The following SP100 variants were observed in gnomAD, a reference collection of about 807,000 sequenced individuals.
SP100 encodes nuclear autoantigen Sp-100.
A neutral mutation model predicts 130.0 loss-of-function variants in SP100; 84 were observed. The observed-to-expected ratio is 0.65, with a 90% CI of 0.54 to 0.77. SP100 has a LOEUF of 0.77. Among genes scored for constraint, SP100 ranks in the 30% least tolerant of loss-of-function variants. SP100 has a pLI of 0.00. For missense variants in SP100, 978 were observed against 1,052.2 expected (o/e 0.93, Z 0.97); for synonymous variants, 331 against 351.7 (o/e 0.94, Z 0.66).
chr2:230,421,099 A>T (rs2062754404), intron 2 of SP100, among the ~76,000 whole-genome samples: 1 of 152,040 alleles, frequency 6.6e-6, no homozygotes, highest in South Asian at 2.1e-4. Context: ...CTATATTATG[A>T]TTACATTTCC....
intron 24 of SP100, among the ~76,000 whole-genome samples, chr2:230,527,961 C>A (rs747996461): frequency 1.3e-5 from 2 of 152,188 alleles, no homozygotes; most frequent in Non-Finnish European, 2.9e-5. Context: ...GAGACTGAGA[C>A]TCCCACACAA....
chr2:230,515,714 G>GA (rs1303250935), intron 24 of SP100: 2 of 1,527,404 alleles, frequency 1.3e-6, no homozygotes, highest in Non-Finnish European at 8.7e-7. Context: ...TCCTTTTAAA[G>GA]AAAAAAACTT....
In SP100 at chr2:230,541,341, A is replaced by G; in HGVS notation, c.2372A>G (p.Lys791Arg). ...FLLLKVYCDS[K>R]SCFFASEPYY... is the part of the protein sequence containing the mutation. ...CTCTTGAAGGTCTACTGTGATTCGA[A>G]AAGCTGCTTTTTCGCCTCAGAACCG... is the stretch of plus-strand genomic sequence containing the variant. Residue 791 changes from lysine to arginine, a missense_variant, in exon 27 of 29, where the codon AAA becomes AGA. Physicochemically the swap from Lys to Arg is conservative, Grantham distance 26. Coordinates refer to ENST00000340126, the MANE Select transcript of SP100 (RefSeq NM_001080391.2). 6.2e-7 allele frequency: 1 copy of G among 1,614,120 alleles called. No homozygotes were observed. The highest frequency in any genetic ancestry group is 8.5e-7 in the Non-Finnish European group (1 of 1,179,966).
chr2:230,523,377 A>G (rs1691265614), intron 24 of SP100, among the ~76,000 whole-genome samples: 2 of 152,246 alleles, frequency 1.3e-5, no homozygotes, highest in Non-Finnish European at 2.9e-5. Context: ...TTATTTTAAA[A>G]AAGTGCTGGC....
chr2:230,527,972 T>C (rs1691509522), intron 24 of SP100, among the ~76,000 whole-genome samples: 1 of 152,016 alleles, frequency 6.6e-6, no homozygotes. Context: ...TCCCACACAA[T>C]AAAAATGGGA....
Position 230,449,593 on chromosome 2 carries a change from C to A in SP100, c.619C>A (p.His207Asn). 6.2e-7 allele frequency: 1 copy of A among 1,614,092 alleles called. No homozygotes were observed. The highest frequency in any genetic ancestry group is 8.5e-7 in the Non-Finnish European group (1 of 1,179,964). The change falls in exon 7 of 29, where the codon CAC becomes AAC. Residue 207 changes from histidine to asparagine, a missense_variant. By Grantham distance (68) the His-to-Asn change is moderately conservative. Coordinates refer to ENST00000340126, the MANE Select transcript of SP100 (RefSeq NM_001080391.2). The stretch of plus-strand genomic sequence containing the variant: ...CCCACCTGAAAATGGACTCTCAGAG[C>A]ACCCCTGTGAAACAGAACAGATAAA... The part of the protein sequence containing the change: ...TTPPENGLSE[H>N]PCETEQINAK...
At chr2:230,494,268 AC>A in intron 17 of SP100, 147 bp from the exon 18 acceptor site, 1 of 672,104 alleles carries the variant, frequency 1.5e-6, no homozygotes, top group Non-Finnish European at 2.6e-6. Flanking sequence ...CGTGACAACA[AC>A]CAAGATGGGA....
At chr2:230,474,085 A>T (rs1198662410) in intron 16 of SP100, among the ~76,000 whole-genome samples, 1 of 152,178 alleles carries the variant, frequency 6.6e-6, no homozygotes, top group African/African-American at 2.4e-5. Context: ...TTTCCTATTA[A>T]CTCTTGCAAG....
At chr2:230,531,998 T>C (rs1388956004) in intron 24 of SP100, among the ~76,000 whole-genome samples, 1 of 152,176 alleles carries the variant, frequency 6.6e-6, no homozygotes, top group Non-Finnish European at 1.5e-5. Flanking sequence ...TGAATTTATG[T>C]TTTTTAGTTT....
At chr2:230,514,915 C>T (rs1167651629) in intron 24 of SP100, 2 of 1,013,764 alleles carry the variant, frequency 2.0e-6, no homozygotes, top group African/African-American at 3.3e-5. Context: ...GTCAAAAAAC[C>T]TACAAGAGAT....
rs566628016 is a variant in SP100, at chr2:230,508,269, C to T, written c.2052+238C>T. On this transcript the variant is annotated intron_variant, in intron 23 of 28. Transcript: ENST00000340126. ...CTCAGAAATAGATTAAAAGACAGAA[C>T]TGAATTGTATGTGTTTTTTAGTAAA... 47 of 421,534 alleles carry T rather than the reference C, an allele frequency of 1.1e-4. No homozygotes were observed. The Admixed American group carries it at 1.7e-3, about 15-fold the overall frequency. 26.1% of individuals were successfully genotyped at this position (421,534 alleles called of 1,614,324 possible).
chr2:230,519,210 G>A (rs776523832), intron 24 of SP100, among the ~76,000 whole-genome samples: 8 of 152,280 alleles, frequency 5.3e-5, no homozygotes, highest in Non-Finnish European at 8.8e-5. Context: ...GGCATTTAAA[G>A]GGTATTGTCT....
intron 17 of SP100, among the ~76,000 whole-genome samples, chr2:230,488,589 A>G (rs2066238121): frequency 6.6e-6 from 1 of 151,938 alleles, no homozygotes; most frequent in South Asian, 2.1e-4. Context: ...AATTTTTAGC[A>G]TTTTTAGTAG....
intron 18 of SP100, among the ~76,000 whole-genome samples, chr2:230,494,775 A>T (rs1362957775): frequency 6.6e-6 from 1 of 152,202 alleles, no homozygotes; most frequent in Non-Finnish European, 1.5e-5. Flanking sequence ...AAAAATTGAC[A>T]AAAGAACCAG....
At chr2:230,509,630 C>A (rs1690422704) in intron 23 of SP100, 1 of 152,132 alleles carries the variant, frequency 6.6e-6, no homozygotes, top group African/African-American at 2.4e-5. Context: ...CAGAGGATCT[C>A]CCCGGAGGGT....
chr2:230,501,245 G>A (rs552710998), intron 19 of SP100, among the ~76,000 whole-genome samples: 36 of 151,916 alleles, frequency 2.4e-4, no homozygotes, highest in Middle Eastern at 3.4e-3. Flanking sequence ...GGCAAGACTC[G>A]GTCTCAAAAA....
At chr2:230,491,734 C>G (rs1212038951) in intron 17 of SP100, among the ~76,000 whole-genome samples, 1 of 152,230 alleles carries the variant, frequency 6.6e-6, no homozygotes, top group Non-Finnish European at 1.5e-5. Context: ...GGCCCCTCCC[C>G]CAACACACAA....
At chr2:230,476,310 G>A (rs13415958) in intron 17 of SP100, among the ~76,000 whole-genome samples, 3,776 of 152,190 alleles carry the variant, frequency 0.025, 162 homozygotes, top group African/African-American at 0.086. Context: ...TTGTAAATGG[G>A]ACTGTGTTCT....
chr2:230,431,463 C>T (rs549182249), intron 2 of SP100, among the ~76,000 whole-genome samples: 2 of 152,278 alleles, frequency 1.3e-5, no homozygotes, highest in South Asian at 2.1e-4. Context: ...TGGTTTTTCT[C>T]AGGTTTTGTG....
Sources: gnomAD v4.1 joint callset for allele counts (sites outside exome capture counted in the v4.1 genomes callset) on GRCh38, gnomAD v4.1.1 for gene constraint, MANE v1.5 for transcripts, NCBI Gene and HGNC (gene_info 2026-07-23, HGNC 2026-07-21) for gene names.